RBFOX1: variants seen among roughly 807,000 people sequenced by gnomAD.
RBFOX1 encodes the protein RNA binding fox-1 homolog 1.
RBFOX1 carries 8 observed loss-of-function variants against 57.7 expected under a neutral mutation model. The observed-to-expected ratio is 0.14, with a 90% CI of 0.08 to 0.25. The LOEUF (loss-of-function observed/expected upper bound fraction) is 0.25, where lower values mean the gene tolerates loss of function less well. RBFOX1 is among the 10% of genes least tolerant of loss of function. The pLI, the probability that RBFOX1 is intolerant of heterozygous loss-of-function variation, is 1.00. For missense variants in RBFOX1, 611 were observed against 548.5 expected (o/e 1.11, Z -1.14); for synonymous variants, 326 against 222.4 (o/e 1.47, Z -4.15).
chr16:5,301,684 C>T (rs1388504335), intron 1 of RBFOX1, among the ~76,000 whole-genome samples: 1 of 151,460 alleles, frequency 6.6e-6, no homozygotes, highest in Non-Finnish European at 1.5e-5. Context: ...AGCTCCATCT[C>T]CTTAGCAAAT....
At chr16:6,881,713 G>C (rs1464865513) in intron 3 of RBFOX1, among the ~76,000 whole-genome samples, 2 of 152,110 alleles carry the variant, frequency 1.3e-5, no homozygotes, top group African/African-American at 2.4e-5. Context: ...TGAATTTGCG[G>C]GGACAATTTA....
intron 1 of RBFOX1, among the ~76,000 whole-genome samples, chr16:6,187,186 G>T (rs1340713614): frequency 3.3e-5 from 5 of 152,048 alleles, no homozygotes; most frequent in African/African-American, 1.2e-4. Flanking sequence ...ATGCTTTCAT[G>T]GGGGAAACAG....
chr16:7,487,511 C>A (rs1332383153), intron 4 of RBFOX1, among the ~76,000 whole-genome samples: 1 of 152,182 alleles, frequency 6.6e-6, no homozygotes, highest in African/African-American at 2.4e-5. Context: ...TGAGTAAATG[C>A]ATGAATGGAT....
At chr16:5,581,228 A>G (rs2046654377) in intron 2 of RBFOX1, among the ~76,000 whole-genome samples, 1 of 152,220 alleles carries the variant, frequency 6.6e-6, no homozygotes, top group Non-Finnish European at 1.5e-5. Context: ...AAATTCTGCC[A>G]GTTCAGACCG....
intron 1 of RBFOX1, among the ~76,000 whole-genome samples, chr16:5,292,832 C>G (rs768730168): frequency 6.6e-4 from 101 of 151,978 alleles, no homozygotes; most frequent in Middle Eastern, 3.2e-3. Flanking sequence ...ACCATGTTAG[C>G]CAGGATGGTC....
intron 1 of RBFOX1, among the ~76,000 whole-genome samples, chr16:5,424,964 C>T (rs12597304): frequency 3.7e-4 from 17 of 46,284 alleles, no homozygotes; most frequent in South Asian, 6.5e-4. Context: ...TTGTTTCTTT[C>T]TCTTTCTTTC....
chr16:5,736,712 C>G (rs758741726), intron 3 of RBFOX1, among the ~76,000 whole-genome samples: 13 of 152,140 alleles, frequency 8.5e-5, no homozygotes, highest in Non-Finnish European at 1.8e-4. Context: ...ATCTGTGCCT[C>G]TCTCTGCCCC....
At chr16:6,946,458 T>C (rs2079541488) in intron 3 of RBFOX1, among the ~76,000 whole-genome samples, 1 of 152,220 alleles carries the variant, frequency 6.6e-6, no homozygotes, top group East Asian at 1.9e-4. Flanking sequence ...CTATGGTAAC[T>C]GGCTTGGTAA....
At chr16:6,193,392 CTATATATATATA>C (rs55707901) in intron 1 of RBFOX1, among the ~76,000 whole-genome samples, 1,000 of 43,218 alleles carry the variant, frequency 0.023, 59 homozygotes, top group African/African-American at 0.061. Flanking sequence ...TATATATATA[CTATATATATATA>C]TATATATATA....
At chr16:5,928,826 G>T (rs1464453801) in intron 4 of RBFOX1, among the ~76,000 whole-genome samples, 2 of 151,998 alleles carry the variant, frequency 1.3e-5, no homozygotes, top group African/African-American at 4.8e-5. Context: ...TGGAAGGTTA[G>T]AAATCTTTTG....
chr16:6,879,093 C>G (rs929774934), intron 3 of RBFOX1, among the ~76,000 whole-genome samples: 4 of 152,132 alleles, frequency 2.6e-5, no homozygotes, highest in East Asian at 1.9e-4. Flanking sequence ...AGCCAATGAG[C>G]TAATAGCTTG....
intron 2 of RBFOX1, among the ~76,000 whole-genome samples, chr16:6,450,775 A>ATACACATATATATATG (rs2094578197): frequency 5.7e-5 from 2 of 35,196 alleles, no homozygotes; most frequent in African/African-American, 1.5e-4. Context: ...GTGTATATAT[A>ATACACATATATATATG]TATATATATA....
intron 4 of RBFOX1, chr16:7,304,246 G>C (rs1603615865): frequency 3.4e-5 from 33 of 967,874 alleles, no homozygotes; most frequent in Non-Finnish European, 4.0e-5. Context: ...GAGAGAGAGA[G>C]ACAGCGCGAG....
chr16:7,560,617 AG>A (rs768145221), intron 5 of RBFOX1, among the ~76,000 whole-genome samples: 3 of 152,100 alleles, frequency 2.0e-5, no homozygotes, highest in Non-Finnish European at 2.9e-5. Flanking sequence ...CTATGGCCCA[AG>A]AAAAGAGGGG....
rs76146897 is a variant in RBFOX1, at chr16:6,799,284, G to C, written c.-16+144634G>C. 3.9e-3 allele frequency among the ~76,000 whole-genome samples: 596 copies of C among 152,278 alleles called. 4 individuals are homozygous for C. The highest frequency in any genetic ancestry group is 0.014 in the African/African-American group (567 of 41,552). ...CCCCACAGGCCGAGTAGCACTCCTGGATTGTTGGCTAGCTGTATTTCTAGC... is the reference window on the plus strand; with the variant it reads ...CCCCACAGGCCGAGTAGCACTCCTGCATTGTTGGCTAGCTGTATTTCTAGC... On this transcript the variant is annotated intron_variant, in intron 3 of 15. Coordinates refer to ENST00000550418, the MANE Select transcript of RBFOX1 (RefSeq NM_018723.4).
intron 4 of RBFOX1, among the ~76,000 whole-genome samples, chr16:5,867,720 T>C (rs1374813946): frequency 6.6e-6 from 1 of 152,154 alleles, no homozygotes; most frequent in Non-Finnish European, 1.5e-5. Flanking sequence ...CTTTATTTTA[T>C]TTTATTTTTG....
intron 1 of RBFOX1, among the ~76,000 whole-genome samples, chr16:5,272,048 T>C (rs2063024305): frequency 6.6e-6 from 1 of 152,240 alleles, no homozygotes; most frequent in African/African-American, 2.4e-5. Flanking sequence ...TGAATAGTGC[T>C]GCAGTGAACA....
intron 2 of RBFOX1, among the ~76,000 whole-genome samples, chr16:5,583,762 A>G (rs1490542538): frequency 6.6e-6 from 1 of 152,180 alleles, no homozygotes; most frequent in Non-Finnish European, 1.5e-5. Context: ...TGTTAGCCCC[A>G]TCTTATAGAG....
chr16:6,515,859 A>G (rs541068831), intron 2 of RBFOX1, among the ~76,000 whole-genome samples: 4 of 151,904 alleles, frequency 2.6e-5, no homozygotes, highest in Non-Finnish European at 5.9e-5. Context: ...ATTTCACTCT[A>G]TCCTTTAACA....
Sources: gnomAD v4.1 joint callset for allele counts (sites outside exome capture counted in the v4.1 genomes callset) on GRCh38, gnomAD v4.1.1 for gene constraint, MANE v1.5 for transcripts, NCBI Gene and HGNC (gene_info 2026-07-23, HGNC 2026-07-21) for gene names.